Variants in STXBP5L observed in about 807,000 individuals in gnomAD.
STXBP5L encodes syntaxin-binding protein 5-like.
Under a neutral mutation model 144.5 loss-of-function variants are expected in STXBP5L, and 65 were observed. The observed-to-expected ratio is 0.45, with a 90% CI of 0.37 to 0.55. STXBP5L has a LOEUF of 0.55. STXBP5L is among the 20% of genes least tolerant of loss of function. The pLI is 0.00. For missense variants in STXBP5L, 1,298 were observed against 1,405.5 expected, an observed-to-expected ratio of 0.92 and a Z score of 1.22; for synonymous variants, 505 against 469.6, an observed-to-expected ratio of 1.08 and a Z score of -0.97.
intron 11 of STXBP5L, among the ~76,000 whole-genome samples, chr3:121,227,578 T>A (rs1442886117): frequency 6.6e-6 from 1 of 152,130 alleles, no homozygotes; most frequent in African/African-American, 2.4e-5. Context: ...TAAGACTGTT[T>A]CAAAAAATTT....
At chr3:121,367,617 T>G (rs925313185) in intron 20 of STXBP5L, among the ~76,000 whole-genome samples, 13 of 143,288 alleles carry the variant, frequency 9.1e-5, no homozygotes, top group Admixed American at 3.5e-4. Context: ...TTTTTTTTTT[T>G]TTTTTAAACA....
intron 18 of STXBP5L, among the ~76,000 whole-genome samples, chr3:121,276,087 T>C (rs1396879306): frequency 3.3e-5 from 5 of 151,766 alleles, no homozygotes; most frequent in Non-Finnish European, 7.4e-5. Flanking sequence ...TTTTTTCTTC[T>C]TTTTCTCTGC....
At chr3:121,179,835 A>G (rs1401108536) in intron 9 of STXBP5L, among the ~76,000 whole-genome samples, 1 of 152,134 alleles carries the variant, frequency 6.6e-6, no homozygotes, top group Non-Finnish European at 1.5e-5. Context: ...AGAAGAAAGA[A>G]CTTCAGAGCT....
intron 7 of STXBP5L, among the ~76,000 whole-genome samples, chr3:121,140,840 T>G (rs1182506137): frequency 6.6e-6 from 1 of 152,176 alleles, no homozygotes; most frequent in Non-Finnish European, 1.5e-5. Context: ...TACAAGGTGA[T>G]TATAGGTAAT....
intron 7 of STXBP5L, among the ~76,000 whole-genome samples, chr3:121,145,728 A>C (rs2045690101): frequency 6.6e-6 from 1 of 152,092 alleles, no homozygotes; most frequent in South Asian, 2.1e-4. Flanking sequence ...GACGTTCACT[A>C]AATTTAATTG....
chr3:121,018,375 A>G (rs567586729), intron 3 of STXBP5L, among the ~76,000 whole-genome samples: 1 of 152,284 alleles, frequency 6.6e-6, no homozygotes, highest in Admixed American at 6.5e-5. Context: ...GAATAAATAA[A>G]TAGATCAATG....
intron 5 of STXBP5L, among the ~76,000 whole-genome samples, chr3:121,105,999 T>C (rs975776265): frequency 6.6e-6 from 1 of 152,184 alleles, no homozygotes; most frequent in African/African-American, 2.4e-5. Context: ...TCTGCCCATT[T>C]TTCAAAGTGA....
intron 5 of STXBP5L, among the ~76,000 whole-genome samples, chr3:121,076,775 A>C (rs1393126205): frequency 1.3e-5 from 2 of 152,110 alleles, no homozygotes; most frequent in Non-Finnish European, 2.9e-5. Context: ...GTTTTTCAGC[A>C]TGCACTCCAG....
chr3:121,097,302 T>G (rs2043179423), intron 5 of STXBP5L, among the ~76,000 whole-genome samples: 2 of 152,158 alleles, frequency 1.3e-5, no homozygotes, highest in Non-Finnish European at 2.9e-5. Flanking sequence ...TCAGCACCCC[T>G]TTCCAGGGGA....
At chr3:121,162,961 A>C (rs1283176879) in intron 9 of STXBP5L, among the ~76,000 whole-genome samples, 1 of 152,212 alleles carries the variant, frequency 6.6e-6, no homozygotes, top group Non-Finnish European at 1.5e-5. Flanking sequence ...GAATGCTTTT[A>C]CACTGTTGGT....
At chr3:120,948,445 G>T (rs1022054540) in intron 2 of STXBP5L, among the ~76,000 whole-genome samples, 2 of 151,708 alleles carry the variant, frequency 1.3e-5, no homozygotes, top group Admixed American at 1.3e-4. Context: ...GGAACAGGTG[G>T]TTTTTGGTTA....
intron 7 of STXBP5L, among the ~76,000 whole-genome samples, chr3:121,151,719 A>AT (rs201636049): frequency 4.0e-5 from 6 of 151,834 alleles, no homozygotes; most frequent in Middle Eastern, 3.4e-3. Flanking sequence ...CCTTCCTCTT[A>AT]TTTTTTTTCC....
intron 22 of STXBP5L, among the ~76,000 whole-genome samples, chr3:121,384,566 A>G (rs2046385629): frequency 6.6e-6 from 1 of 152,100 alleles, no homozygotes; most frequent in Non-Finnish European, 1.5e-5. Flanking sequence ...GTAAGAGAGG[A>G]CATGGCATAG....
At chr3:121,172,132 T>C (rs2046745937) in intron 9 of STXBP5L, among the ~76,000 whole-genome samples, 1 of 152,256 alleles carries the variant, frequency 6.6e-6, no homozygotes, top group South Asian at 2.1e-4. Flanking sequence ...TGGCTAGCCA[T>C]ATCCAGCTAA....
At chr3:121,195,178 C>T (rs769764678) in intron 9 of STXBP5L, among the ~76,000 whole-genome samples, 4 of 151,972 alleles carry the variant, frequency 2.6e-5, no homozygotes, top group Non-Finnish European at 5.9e-5. Context: ...CCCACCTCGG[C>T]TTCCCAAAGT....
intron 5 of STXBP5L, among the ~76,000 whole-genome samples, chr3:121,103,374 C>G (rs2043530929): frequency 6.6e-6 from 1 of 152,120 alleles, no homozygotes; most frequent in South Asian, 2.1e-4. Flanking sequence ...AAAATGAAGT[C>G]ATGTTCTTTG....
rs796823951 is a variant in STXBP5L at position 120,986,796 on chromosome 3, A to G, written c.287+31759A>G. Among the ~76,000 whole-genome samples the G allele has an allele frequency of 3.3e-5, 5 of 152,020 alleles. No homozygotes were observed. The South Asian group carries it at 6.3e-4, about 19-fold the overall frequency. On this transcript the variant is annotated intron_variant, in intron 3 of 26. Coordinates refer to ENST00000471454, the MANE Select transcript of STXBP5L (RefSeq NM_001308330.2). ...AAATTTGAGAGCTGAAAATTACAATACTTTAAATAAAAAAATTACCAGAAC... is the reference window on the plus strand; with the variant it reads ...AAATTTGAGAGCTGAAAATTACAATGCTTTAAATAAAAAAATTACCAGAAC...
chr3:120,982,479 C>T (rs570750613), intron 3 of STXBP5L, among the ~76,000 whole-genome samples: 2 of 152,302 alleles, frequency 1.3e-5, no homozygotes, highest in Non-Finnish European at 2.9e-5. Context: ...GGAATGCAAT[C>T]CATTTCCCTG....
intron 21 of STXBP5L, among the ~76,000 whole-genome samples, chr3:121,379,981 C>T (rs1369827883): frequency 6.6e-6 from 1 of 152,080 alleles, no homozygotes; most frequent in Non-Finnish European, 1.5e-5. Flanking sequence ...GGTACAGGTG[C>T]ACACCACCAC....
Sources: gnomAD v4.1 joint callset for allele counts (sites outside exome capture counted in the v4.1 genomes callset) on GRCh38, gnomAD v4.1.1 for gene constraint, MANE v1.5 for transcripts, NCBI Gene and HGNC (gene_info 2026-07-23, HGNC 2026-07-21) for gene names.